Variants in FKBP5 observed in about 807,000 individuals in gnomAD.
FKBP5 encodes peptidyl-prolyl cis-trans isomerase FKBP5.
FKBP5 carries 23 observed loss-of-function variants against 50.5 expected under a neutral mutation model. That is an observed-to-expected ratio of 0.46 (90% CI 0.33 to 0.65). The LOEUF is 0.65. FKBP5 is among the 30% of genes least tolerant of loss of function. FKBP5 has a pLI of 0.02. For synonymous variants in FKBP5, 176 were observed against 190.6 expected (o/e 0.92, Z 0.63); for missense variants, 411 against 553.1 (o/e 0.74, Z 2.58).
At chr6:35,623,263 G>T (rs996613023) in intron 3 of FKBP5, among the ~76,000 whole-genome samples, 13 of 152,058 alleles carry the variant, frequency 8.5e-5, no homozygotes, top group South Asian at 2.1e-4. Flanking sequence ...AATAAATAAA[G>T]AGTTATTAGA....
At chr6:35,583,587 C>A in intron 8 of FKBP5, 2 of 982,832 alleles carry the variant, frequency 2.0e-6, no homozygotes, top group Non-Finnish European at 2.4e-6. Context: ...TTTTGCCCCC[C>A]AGGGAACACC....
chr6:35,610,654 C>T (rs1763464886), intron 5 of FKBP5, among the ~76,000 whole-genome samples: 1 of 149,366 alleles, frequency 6.7e-6, no homozygotes, highest in Non-Finnish European at 1.5e-5. Context: ...TTTTGAGGCA[C>T]ATTTTGTTTT....
intron 1 of FKBP5, among the ~76,000 whole-genome samples, chr6:35,678,034 G>A (rs1296485876): frequency 6.6e-6 from 1 of 152,146 alleles, no homozygotes; most frequent in Admixed American, 6.6e-5. Flanking sequence ...ATAGACTCGG[G>A]ATAACATCCT....
At chr6:35,693,907 C>T (rs1271790906), upstream of FKBP5, among the ~76,000 whole-genome samples, 1 of 152,048 alleles carries the variant, frequency 6.6e-6, no homozygotes, top group Non-Finnish European at 1.5e-5. Flanking sequence ...CTTATCCATC[C>T]TTAAACATAG....
At chr6:35,666,394 TAAA>T (rs550878351) in intron 1 of FKBP5, among the ~76,000 whole-genome samples, 1,174 of 33,222 alleles carry the variant, frequency 0.035, 34 homozygotes, top group Admixed American at 0.098. Context: ...CTATTATAGT[TAAA>T]AAAAAAAAAA....
At chr6:35,575,982 A>G (rs766411741) in intron 10 of FKBP5, 40 bp from the exon 11 acceptor site, 1 of 1,399,162 alleles carries the variant, frequency 7.1e-7, no homozygotes, top group South Asian at 1.2e-5. Context: ...TAGAGAATAA[A>G]GAAGTGAAAT....
upstream of FKBP5, among the ~76,000 whole-genome samples, chr6:35,692,067 A>G (rs1167313511): frequency 6.6e-6 from 1 of 152,234 alleles, no homozygotes; most frequent in African/African-American, 2.4e-5. Flanking sequence ...GGAACTGCTC[A>G]AACCACATCT....
intron 2 of FKBP5, among the ~76,000 whole-genome samples, chr6:35,696,529 T>C (rs1046885694): frequency 6.6e-5 from 10 of 150,406 alleles, no homozygotes; most frequent in Non-Finnish European, 1.3e-4. Context: ...AAAAAAAAAA[T>C]TGGAAAAACA....
chr6:35,607,925 C>A, intron 5 of FKBP5: 1 of 163,082 alleles, frequency 6.1e-6, no homozygotes, highest in South Asian at 1.7e-4. Context: ...AAGCCGCTGC[C>A]AAGGACTGAG....
intron 3 of FKBP5, among the ~76,000 whole-genome samples, chr6:35,636,391 A>C (rs1764309878): frequency 6.6e-6 from 1 of 152,244 alleles, no homozygotes; most frequent in South Asian, 2.1e-4. Flanking sequence ...TCAAGTCTGC[A>C]TAATCAGATT....
chr6:35,579,807 C>T (rs1019079710), intron 9 of FKBP5, among the ~76,000 whole-genome samples: 2 of 152,194 alleles, frequency 1.3e-5, no homozygotes, highest in African/African-American at 4.8e-5. Context: ...AACTTTTCTT[C>T]AGAATGCATT....
intron 6 of FKBP5, 72 bp downstream of exon 6, chr6:35,597,176 C>T: frequency 6.5e-7 from 1 of 1,542,238 alleles, no homozygotes; most frequent in Non-Finnish European, 8.8e-7. Flanking sequence ...TGCCAAAACA[C>T]TGAATGAAAA....
intron 1 of FKBP5, among the ~76,000 whole-genome samples, chr6:35,672,623 T>C (rs973804185): frequency 6.6e-6 from 1 of 152,130 alleles, no homozygotes; most frequent in African/African-American, 2.4e-5. Context: ...ATTATGCTTA[T>C]GGCGACTAAA....
rs71002582 is a variant in FKBP5, at chr6:35,649,249, TA to T, written c.-19-6407del. On this transcript the variant is annotated intron_variant, in intron 1 of 10. Coordinates refer to ENST00000357266, the MANE Select transcript of FKBP5 (RefSeq NM_004117.4). The stretch of plus-strand genomic sequence containing the variant: ...CTGGGCGACAGAGCAAGACTCTGTC[TA>T]AAAAAAAAAAAAAAAAAAAGAATTT... 4.5e-3 allele frequency among the ~76,000 whole-genome samples: 459 copies of T among 102,216 alleles called. 1 individual carries two copies. Among genetic ancestry groups the T allele is most frequent in the African/African-American group, 0.014 (348 of 24,884 alleles). The allele number at this position is 102,216 out of a possible 152,430, so 67.1% of individuals were successfully genotyped here.
intron 8 of FKBP5, chr6:35,584,086 G>A (rs1762528318): frequency 2.0e-6 from 2 of 985,306 alleles, no homozygotes; most frequent in African/African-American, 3.5e-5. Context: ...CACTGACCAG[G>A]TGTGAGTTAA....
chr6:35,576,626 AC>A (rs1762223976), intron 10 of FKBP5, among the ~76,000 whole-genome samples: 1 of 137,398 alleles, frequency 7.3e-6, no homozygotes, highest in South Asian at 2.5e-4. Flanking sequence ...CCATGTTAGC[AC>A]GACTGCATTA....
In FKBP5 at chr6:35,575,545, G is replaced by A; in HGVS notation, c.*290C>T. ...TCCAGGGACCCTGAATTGGATACTTGAAGGTTGATAGAAACTGAAATGAGC... is the reference window on the plus strand; with the variant it reads ...TCCAGGGACCCTGAATTGGATACTTAAAGGTTGATAGAAACTGAAATGAGC... On this transcript the variant is annotated 3_prime_UTR_variant, in exon 11 of 11. Transcript: ENST00000357266. The A allele has an allele frequency of 2.9e-6, 1 of 346,290 alleles. No homozygotes were observed. Among genetic ancestry groups the A allele is most frequent in the South Asian group, 4.9e-5 (1 of 20,280 alleles). 21.5% of individuals were successfully genotyped at this position (346,290 alleles called of 1,614,324 possible). A position where few individuals can be genotyped will look rare whatever the true frequency, so the allele number is the denominator to read the frequency against.
At chr6:35,589,110 T>TATA (rs1561846500) in intron 7 of FKBP5, among the ~76,000 whole-genome samples, 68 of 102,956 alleles carry the variant, frequency 6.6e-4, no homozygotes, top group African/African-American at 2.2e-3. Flanking sequence ...ATATATATTT[T>TATA]TATATATATA....
chr6:35,602,161 G>GA (rs146184357), intron 5 of FKBP5, among the ~76,000 whole-genome samples: 2 of 151,764 alleles, frequency 1.3e-5, no homozygotes, highest in Non-Finnish European at 2.9e-5. Context: ...AAATAGGGGG[G>GA]AAAAAAGGAA....
Sources: allele counts gnomAD v4.1 joint callset (sites outside exome capture counted in the v4.1 genomes callset), GRCh38; gene constraint gnomAD v4.1.1; transcripts MANE v1.5; gene names NCBI Gene and HGNC (gene_info 2026-07-23, HGNC 2026-07-21).